The following MSMP variants were observed in gnomAD, a reference collection of about 807,000 sequenced individuals.
MSMP encodes microseminoprotein, prostate associated, also known as prostate-associated microseminoprotein.
MSMP carries 9 observed loss-of-function variants against 15.8 expected under a neutral mutation model. The observed-to-expected ratio is 0.57, with a 90% CI of 0.34 to 0.99. MSMP has a LOEUF of 0.99. MSMP is among the 50% of genes least tolerant of loss of function. The pLI, the probability that MSMP is intolerant of heterozygous loss-of-function variation, is 0.02. For missense variants in MSMP, 170 were observed against 173.4 expected (o/e 0.98, Z 0.11); for synonymous variants, 64 against 64.4 (o/e 0.99, Z 0.03).
chr9:35,753,131 A>G lies in MSMP; in HGVS notation c.389T>C (p.Val130Ala). Residue 130 changes from valine to alanine, a missense_variant, in exon 3 of 3, where the codon GTT becomes GCT. Transcript: ENST00000436428. The surrounding 1 kb of genome is among the most constrained non-coding windows in gnomAD (Gnocchi z 4.2). ...DPEWGSANTP[V>A]PGAPAPHSS Reference sequence around the variant, plus strand: ...GGAGTGGGGAGCAGGAGCCCCAGGAACAGGGGTGTTGGCTGAGCCCCATTC... The same window carrying G: ...GGAGTGGGGAGCAGGAGCCCCAGGAGCAGGGGTGTTGGCTGAGCCCCATTC... The G allele has an allele frequency of 6.2e-7, 1 of 1,614,198 alleles. No homozygotes were observed. The highest frequency in any genetic ancestry group is 8.5e-7 in the Non-Finnish European group (1 of 1,180,024).
chr9:35,753,765 G>A lies in MSMP; in HGVS notation c.134C>T (p.Pro45Leu), dbSNP rs1000699518. The stretch of plus-strand genomic sequence containing the variant: ...AAAATATTTCCCCTCATAGTGACAG[G>A]GGGCTAGGGAAGAACGGGAAATGTT... ...YSKCYFQAQA[P>L]CHYEGKYFTL... is the part of the protein sequence containing the mutation. Residue 45 changes from proline to leucine, a missense_variant, in exon 2 of 3, where the codon CCC (proline) becomes CTC (leucine). Coordinates refer to ENST00000436428, the MANE Select transcript of MSMP (RefSeq NM_001044264.3). This position sits in a 1 kb window ranked among gnomAD's most constrained non-coding sequence, Gnocchi z 4.2. 1 of 1,613,632 alleles carries A rather than the reference G, an allele frequency of 6.2e-7. No homozygotes were observed. The highest frequency in any genetic ancestry group is 8.5e-7 in the Non-Finnish European group (1 of 1,179,690).
chr9:35,753,171 C>T lies in MSMP; in HGVS notation c.349G>A (p.Gly117Arg), dbSNP rs554326292. The T allele has an allele frequency of 3.0e-5, 49 of 1,614,196 alleles. No individual in the cohort carries two copies. The highest frequency in any genetic ancestry group is 1.7e-4 in the Admixed American group (10 of 60,028). Residue 117 changes from glycine to arginine, a missense_variant, in exon 3 of 3, where the codon GGA becomes AGA. Gly to Arg is a moderately radical substitution (Grantham distance 125, BLOSUM62 -2). Coordinates refer to ENST00000436428, the MANE Select transcript of MSMP (RefSeq NM_001044264.3). The surrounding 1 kb of genome is among the most constrained non-coding windows in gnomAD (Gnocchi z 4.2). The stretch of plus-strand genomic sequence containing the variant: ...GAGCCCCATTCTGGGTCAGGCCCTC[C>T]CCCTTTGCAGGGCAGCCGAGGGTCA... ...KSDPRLPCKG[G>R]GPDPEWGSAN...
Position 35,753,188 on chromosome 9 carries a change from C to T in MSMP, c.332G>A (p.Arg111Gln), listed in dbSNP as rs150505941. The change falls in exon 3 of 3, where the codon CGG becomes CAG. Residue 111 changes from arginine (R) to glutamine (Q), a missense_variant. Coordinates refer to ENST00000436428, the MANE Select transcript of MSMP (RefSeq NM_001044264.3). This position sits in a 1 kb window ranked among gnomAD's most constrained non-coding sequence, Gnocchi z 4.2. The part of the protein sequence containing the change: ...QFSLVQKSDP[R>Q]LPCKGGGPDP... Reference sequence around the variant, plus strand: ...AGGCCCTCCCCCTTTGCAGGGCAGCCGAGGGTCAGATTTTTGCACCAAGGA... The same window carrying T: ...AGGCCCTCCCCCTTTGCAGGGCAGCTGAGGGTCAGATTTTTGCACCAAGGA... 97 of 1,613,962 alleles carry T rather than the reference C, an allele frequency of 6.0e-5. No homozygotes were observed. Among genetic ancestry groups the T allele is most frequent in the Admixed American group, 6.7e-5 (4 of 60,002 alleles).
chr9:35,753,250 C>A lies in MSMP; in HGVS notation c.270G>T (p.Gly90=). 2 of 1,614,068 alleles carry A rather than the reference C, an allele frequency of 1.2e-6. No individual in the cohort carries two copies. Among genetic ancestry groups the A allele is most frequent in the Non-Finnish European group, 1.7e-6 (2 of 1,180,008 alleles). The change falls in exon 3 of 3, where the codon GGG becomes GGT. Residue 90 remains glycine (G), a synonymous_variant. Transcript: ENST00000436428. This position sits in a 1 kb window ranked among gnomAD's most constrained non-coding sequence, Gnocchi z 4.2. ...TTCCTGCCTCCTGACGTACCTCACA[C>A]CCAGCCGGGAAGTCGATGGGATGCT... is the stretch of plus-strand genomic sequence containing the variant. ...TSQHPIDFPA[G]CEVRQEAGTC...
At position 35,753,919 on chromosome 9, in the gene MSMP, A is replaced by G. The variant is rs1291269272; in HGVS notation, c.130+81T>C. On this transcript the variant is annotated intron_variant, in intron 1 of 2. Coordinates refer to ENST00000436428, the MANE Select transcript of MSMP (RefSeq NM_001044264.3). The surrounding 1 kb of genome is among the most constrained non-coding windows in gnomAD (Gnocchi z 4.2). ...AGCTGGAGGAAGCCTGGGTATTTTG[A>G]CACGGGATCATCTGTAAGGCCCCAT... 2.6e-6 allele frequency: 4 copies of G among 1,560,788 alleles called. No homozygotes were observed. The highest frequency in any genetic ancestry group is 2.6e-6 in the Non-Finnish European group (3 of 1,149,072).
Position 35,754,125 on chromosome 9 carries a change from G to A in MSMP, c.5C>T (p.Ala2Val), listed in dbSNP as rs192269938. ...CTGTCCAGCCCAGAGCATCCTTAGG[G>A]CCATTGCTGCTGCACAGCCCTCTCA... M[A>V]LRMLWAGQAK... is the part of the protein sequence containing the mutation. Residue 2 changes from alanine to valine, a missense_variant, in exon 1 of 3, where the codon GCC becomes GTC. Transcript: ENST00000436428. 168 of 1,612,436 alleles carry A rather than the reference G, an allele frequency of 1.0e-4. No homozygotes were observed. Among genetic ancestry groups the A allele is most frequent in the Non-Finnish European group, 1.3e-4 (151 of 1,179,066 alleles).
Position 35,754,235 on chromosome 9 carries a change from T to C in MSMP, c.-106A>G. The C allele has an allele frequency of 2.1e-6, 3 of 1,420,430 alleles. No individual in the cohort carries two copies. Among genetic ancestry groups the C allele is most frequent in the Non-Finnish European group, 2.8e-6 (3 of 1,054,070 alleles). The allele number at this position is 1,420,430 out of a possible 1,614,324, so 88.0% of individuals were successfully genotyped here. ...TGCTCCTTGAGTCTTAGTTTCTGTC[T>C]TTCTCCCCTGGGCTCCTGTCTCACA... On this transcript the variant is annotated 5_prime_UTR_variant, in exon 1 of 3. Coordinates refer to ENST00000436428, the MANE Select transcript of MSMP (RefSeq NM_001044264.3).
At position 35,753,344 on chromosome 9, in the gene MSMP, A is replaced by T; in HGVS notation, c.240-64T>A. ...AAAGGCTGCCTTTATCCCTGCCCACATGTTCCCTCTCTCACAGTTTTCCCC... is the reference window on the plus strand; with the variant it reads ...AAAGGCTGCCTTTATCCCTGCCCACTTGTTCCCTCTCTCACAGTTTTCCCC... On this transcript the variant is annotated intron_variant, in intron 2 of 2. Coordinates refer to ENST00000436428, the MANE Select transcript of MSMP (RefSeq NM_001044264.3). The surrounding 1 kb of genome is among the most constrained non-coding windows in gnomAD (Gnocchi z 4.2). The T allele has an allele frequency of 6.5e-7, 1 of 1,541,120 alleles. No individual in the cohort carries two copies. Among genetic ancestry groups the T allele is most frequent in the Non-Finnish European group, 8.8e-7 (1 of 1,136,514 alleles).
Position 35,753,361 on chromosome 9 carries a change from G to T in MSMP, c.240-81C>A. 6.7e-7 allele frequency: 1 copy of T among 1,490,714 alleles called. No homozygotes were observed. The highest frequency in any genetic ancestry group is 9.1e-7 in the Non-Finnish European group (1 of 1,101,960). The allele number at this position is 1,490,714 out of a possible 1,614,324, so 92.3% of individuals were successfully genotyped here. Reference sequence around the variant, plus strand: ...CTGCCCACATGTTCCCTCTCTCACAGTTTTCCCCCCACAGAGCCCCTTTCA... The same window carrying T: ...CTGCCCACATGTTCCCTCTCTCACATTTTTCCCCCCACAGAGCCCCTTTCA... On this transcript the variant is annotated intron_variant, in intron 2 of 2. Transcript: ENST00000436428. This position sits in a 1 kb window ranked among gnomAD's most constrained non-coding sequence, Gnocchi z 4.2.
chr9:35,753,169 T>C lies in MSMP; in HGVS notation c.351A>G (p.Gly117=). The C allele has an allele frequency of 6.2e-7, 1 of 1,614,060 alleles. No individual in the cohort carries two copies. Among genetic ancestry groups the C allele is most frequent in the East Asian group, 2.2e-5 (1 of 44,874 alleles). The change falls in exon 3 of 3, where the codon GGA becomes GGG. Residue 117 remains glycine, a synonymous_variant. Coordinates refer to ENST00000436428, the MANE Select transcript of MSMP (RefSeq NM_001044264.3). This position sits in a 1 kb window ranked among gnomAD's most constrained non-coding sequence, Gnocchi z 4.2. ...KSDPRLPCKG[G]GPDPEWGSAN... is the part of the protein sequence containing the mutation. ...CTGAGCCCCATTCTGGGTCAGGCCC[T>C]CCCCCTTTGCAGGGCAGCCGAGGGT...
chr9:35,753,232 C>G lies in MSMP; in HGVS notation c.288G>C (p.Glu96Asp). 1.9e-6 allele frequency: 3 copies of G among 1,614,144 alleles called. No individual in the cohort carries two copies. Among genetic ancestry groups the G allele is most frequent in the East Asian group, 2.2e-5 (1 of 44,886 alleles). ...CCAAGGAGAACTGGCAGGTTCCTGC[C>G]TCCTGACGTACCTCACACCCAGCCG... ...DFPAGCEVRQ[E>D]AGTCQFSLVQ... Residue 96 changes from glutamate (E) to aspartate (D), a missense_variant, in exon 3 of 3, where the codon GAG becomes GAC. Coordinates refer to ENST00000436428, the MANE Select transcript of MSMP (RefSeq NM_001044264.3). The surrounding 1 kb of genome is among the most constrained non-coding windows in gnomAD (Gnocchi z 4.2).
At position 35,754,016 on chromosome 9, in the gene MSMP, G is replaced by A. The variant is rs1315528428; in HGVS notation, c.114C>T (p.Cys38=). 6.2e-7 allele frequency: 1 copy of A among 1,613,496 alleles called. No homozygotes were observed. The change falls in exon 1 of 3, where the codon TGC becomes TGT. Residue 38 remains cysteine (C), a synonymous_variant. Coordinates refer to ENST00000436428, the MANE Select transcript of MSMP (RefSeq NM_001044264.3). ...CCACTTTACCTTGAGCTTGGAAGTA[G>A]CACTTGCTGTAGACTCCTGGGTGCT... is the stretch of plus-strand genomic sequence containing the variant. The part of the protein sequence containing the change: ...LLQHPGVYSK[C]YFQAQAPCHY...
At position 35,753,374 on chromosome 9, in the gene MSMP, A is replaced by T; in HGVS notation, c.240-94T>A. 7.1e-7 allele frequency: 1 copy of T among 1,414,686 alleles called. No individual in the cohort carries two copies. The highest frequency in any genetic ancestry group is 9.6e-7 in the Non-Finnish European group (1 of 1,042,888). The allele number at this position is 1,414,686 out of a possible 1,614,324, so 87.6% of individuals were successfully genotyped here. On this transcript the variant is annotated intron_variant, in intron 2 of 2. Coordinates refer to ENST00000436428, the MANE Select transcript of MSMP (RefSeq NM_001044264.3). The surrounding 1 kb of genome is among the most constrained non-coding windows in gnomAD (Gnocchi z 4.2). ...CCCTCTCTCACAGTTTTCCCCCCAC[A>T]GAGCCCCTTTCAGTGGCCCCTTGGT...
In MSMP at chr9:35,754,226, G is replaced by A. The variant is rs1027228958; in HGVS notation, c.-97C>T. On this transcript the variant is annotated 5_prime_UTR_variant, in exon 1 of 3. Transcript: ENST00000436428. ...GCTTTGCGTTGCTCCTTGAGTCTTA[G>A]TTTCTGTCTTTCTCCCCTGGGCTCC... 12 of 1,462,502 alleles carry A rather than the reference G, an allele frequency of 8.2e-6. No individual in the cohort carries two copies. The Admixed American group carries it at 1.7e-4, about 21-fold the overall frequency. 90.6% of individuals were successfully genotyped at this position (1,462,502 alleles called of 1,614,324 possible). A position where few individuals can be genotyped will look rare whatever the true frequency, so the allele number is the denominator to read the frequency against.
At position 35,753,304 on chromosome 9, in the gene MSMP, G is replaced by A; in HGVS notation, c.240-24C>T. On this transcript the variant is annotated intron_variant, in intron 2 of 2. Transcript: ENST00000436428. This position sits in a 1 kb window ranked among gnomAD's most constrained non-coding sequence, Gnocchi z 4.2. The stretch of plus-strand genomic sequence containing the variant: ...ACCTGGGGAACCAAGGATAGGGGAA[G>A]GAGTCAGCACAGTGAAAGGCTGCCT... 3 of 1,609,438 alleles carry A rather than the reference G, an allele frequency of 1.9e-6. No individual in the cohort carries two copies. The highest frequency in any genetic ancestry group is 1.7e-4 in the Middle Eastern group (1 of 6,058).
At position 35,753,042 on chromosome 9, in the gene MSMP, G is replaced by C; in HGVS notation, c.*58C>G. 6.3e-7 allele frequency: 1 copy of C among 1,588,152 alleles called. No individual in the cohort carries two copies. Among genetic ancestry groups the C allele is most frequent in the South Asian group, 1.1e-5 (1 of 89,488 alleles). On this transcript the variant is annotated 3_prime_UTR_variant, in exon 3 of 3. Coordinates refer to ENST00000436428, the MANE Select transcript of MSMP (RefSeq NM_001044264.3). The surrounding 1 kb of genome is among the most constrained non-coding windows in gnomAD (Gnocchi z 4.2). ...TCAGAATACATTGGCAGCTGCTAGT[G>C]GTTTCCCTGGAAGTGGCAGCAGCAG... is the stretch of plus-strand genomic sequence containing the variant.
chr9:35,754,164 C>A lies in MSMP; in HGVS notation c.-35G>T. On this transcript the variant is annotated 5_prime_UTR_variant, in exon 1 of 3. It adds an upstream start codon to the 5' untranslated region. Transcript: ENST00000436428. ...ACAGCCCTCTCAGACCCTTCTTGGC[C>A]TCTGCTCAGCTACTCTGGTCTTGAC... is the stretch of plus-strand genomic sequence containing the variant. 6.3e-7 allele frequency: 1 copy of A among 1,591,896 alleles called. No homozygotes were observed.
chr9:35,753,596 T>G lies in MSMP; in HGVS notation c.239+64A>C, dbSNP rs187559043. ...TCTTACATCACAGCAATCTAGTCAC[T>G]CCCTGGTCATCCCTCAGTCACTCAT... On this transcript the variant is annotated intron_variant, in intron 2 of 2. Coordinates refer to ENST00000436428, the MANE Select transcript of MSMP (RefSeq NM_001044264.3). The surrounding 1 kb of genome is among the most constrained non-coding windows in gnomAD (Gnocchi z 4.2). 168 of 1,367,136 alleles carry G rather than the reference T, an allele frequency of 1.2e-4. No individual in the cohort carries two copies. The highest frequency in any genetic ancestry group is 9.0e-4 in the Admixed American group (49 of 54,420). 84.7% of individuals were successfully genotyped at this position (1,367,136 alleles called of 1,614,324 possible). A position where few individuals can be genotyped will look rare whatever the true frequency, so the allele number is the denominator to read the frequency against.
Position 35,753,465 on chromosome 9 carries a change from T to C in MSMP, c.240-185A>G. 2 of 786,326 alleles carry C rather than the reference T, an allele frequency of 2.5e-6. No homozygotes were observed. The highest frequency in any genetic ancestry group is 4.0e-6 in the Non-Finnish European group (2 of 496,604). The allele number at this position is 786,326 out of a possible 1,614,324, so 48.7% of individuals were successfully genotyped here. On this transcript the variant is annotated intron_variant, in intron 2 of 2. Transcript: ENST00000436428. This position sits in a 1 kb window ranked among gnomAD's most constrained non-coding sequence, Gnocchi z 4.2. ...TGTTTTATAACAGGAGTATTTTCTC[T>C]CCAGGTCCACCCCAACCTCCCCTGA... is the stretch of plus-strand genomic sequence containing the variant.
Sources: allele counts gnomAD v4.1 joint callset, GRCh38; gene constraint gnomAD v4.1.1; non-coding constraint Gnocchi (gnomAD v3.1); transcripts MANE v1.5; gene names NCBI Gene and HGNC (gene_info 2026-07-23, HGNC 2026-07-21).